Variants in TENM2 observed in about 807,000 individuals in gnomAD.
TENM2 encodes teneurin transmembrane protein 2, also known as teneurin-2.
In TENM2, 52 loss-of-function variants were observed where a neutral mutation model predicts 245.2. That is an observed-to-expected ratio of 0.21 (90% CI 0.17 to 0.27). The LOEUF is 0.27. TENM2 is among the 10% of genes least tolerant of loss of function. TENM2 has a pLI of 1.00. For missense variants in TENM2, 3,046 were observed against 3,666.8 expected, an observed-to-expected ratio of 0.83 and a Z score of 4.37; for synonymous variants, 1,363 against 1,438.9, an observed-to-expected ratio of 0.95 and a Z score of 1.19.
chr5:167,060,391 G>A, the TENM2 span, among the ~76,000 whole-genome samples: 7 of 151,410 alleles, frequency 4.6e-5, no homozygotes, highest in African/African-American at 7.4e-5. Flanking sequence ...TGTGGGTCAC[G>A]CCTGTAATCC....
chr5:167,999,802 G>A (rs1009563109), intron 5 of TENM2, among the ~76,000 whole-genome samples: 2 of 152,220 alleles, frequency 1.3e-5, no homozygotes, highest in African/African-American at 4.8e-5. Flanking sequence ...AGACGCTGGT[G>A]ATGAGAGCCA....
intron 1 of TENM2, among the ~76,000 whole-genome samples, chr5:167,346,374 G>A (rs1424751701): frequency 6.6e-6 from 1 of 152,166 alleles, no homozygotes; most frequent in Non-Finnish European, 1.5e-5. Context: ...AAGAGAATGA[G>A]GGAAGTAATG....
chr5:168,125,072 T>G, intron 11 of TENM2, 22 bp downstream of exon 13: 1 of 1,586,732 alleles, frequency 6.3e-7, no homozygotes, highest in Non-Finnish European at 8.6e-7. Flanking sequence ...GGTTTTCTCC[T>G]TCCTCTCTCC....
rs13155793 is a variant in TENM2 at position 168,036,743 on chromosome 5, A to G, written c.1187-10684A>G. ...TATGTGTATATATATACGTATGTGT[A>G]TATATATATGTATGTGTATATATAT... On this transcript the variant is annotated intron_variant, in intron 5 of 28. Coordinates refer to ENST00000518659, the Ensembl canonical transcript of TENM2. Among the ~76,000 whole-genome samples, 41 of 144,614 alleles carry G rather than the reference A, an allele frequency of 2.8e-4. 1 individual carries two copies. The highest frequency in any genetic ancestry group is 4.4e-4 in the African/African-American group (17 of 38,456). 94.9% of individuals were successfully genotyped at this position (144,614 alleles called of 152,430 possible).
intron 2 of TENM2, among the ~76,000 whole-genome samples, chr5:167,727,662 A>T (rs1045390626): frequency 5.3e-5 from 8 of 152,262 alleles, no homozygotes; most frequent in African/African-American, 1.7e-4. Flanking sequence ...ACATTGTGCT[A>T]AGAACACTGC....
At chr5:167,242,046 G>GT in the TENM2 span, among the ~76,000 whole-genome samples, 8,408 of 131,404 alleles carry the variant, frequency 0.064, 330 homozygotes, top group Non-Finnish European at 0.091. Flanking sequence ...TTTGTTTTTT[G>GT]TTTTTTTTTT....
intron 9 of TENM2, among the ~76,000 whole-genome samples, chr5:168,115,361 G>A (rs1313806317): frequency 3.4e-5 from 2 of 59,534 alleles, no homozygotes; most frequent in African/African-American, 1.6e-4. Flanking sequence ...GGAAGGAAGG[G>A]AAGGAAGGAA....
At chr5:166,986,091 GTGAGA>G in the TENM2 span, among the ~76,000 whole-genome samples, 3 of 152,202 alleles carry the variant, frequency 2.0e-5, no homozygotes, top group Non-Finnish European at 2.9e-5. Flanking sequence ...GGATGGTGGG[GTGAGA>G]TGAGATAAGG....
intron 1 of TENM2, chr5:167,303,059 AAGG>A (rs1755441215): frequency 6.5e-6 from 1 of 152,802 alleles, no homozygotes; most frequent in Admixed American, 6.5e-5. Flanking sequence ...CCAAAATTGA[AAGG>A]AGAAGATGGT....
intron 6 of TENM2, among the ~76,000 whole-genome samples, chr5:168,058,132 A>T (rs1789716685): frequency 6.6e-6 from 1 of 152,234 alleles, no homozygotes; most frequent in African/African-American, 2.4e-5. Context: ...TTGCTGAGTT[A>T]TGCGTGACAG....
At chr5:167,495,856 A>G (rs924642647) in intron 2 of TENM2, among the ~76,000 whole-genome samples, 1 of 152,162 alleles carries the variant, frequency 6.6e-6, no homozygotes, top group African/African-American at 2.4e-5. Flanking sequence ...TAGTCAGTAT[A>G]AAATATTTTG....
At chr5:168,134,479 A>C (rs1036224204) in intron 12 of TENM2, among the ~76,000 whole-genome samples, 1 of 152,172 alleles carries the variant, frequency 6.6e-6, no homozygotes, top group African/African-American at 2.4e-5. Context: ...TGAGGTCAGG[A>C]GTTCGAGACC....
At chr5:167,577,490 A>G (rs554612493) in intron 2 of TENM2, among the ~76,000 whole-genome samples, 1 of 152,334 alleles carries the variant, frequency 6.6e-6, no homozygotes, top group Non-Finnish European at 1.5e-5. Context: ...GCTTATATTT[A>G]GAAGGCATAA....
At chr5:167,634,213 G>A (rs1779050138) in intron 2 of TENM2, among the ~76,000 whole-genome samples, 1 of 152,086 alleles carries the variant, frequency 6.6e-6, no homozygotes, top group African/African-American at 2.4e-5. Context: ...TGACTGTTTG[G>A]CCAGTGACTG....
intron 5 of TENM2, among the ~76,000 whole-genome samples, chr5:168,035,885 A>C (rs748897484): frequency 6.6e-6 from 1 of 152,302 alleles, no homozygotes. Context: ...TGGGATAAAA[A>C]AGTAACTGCC....
chr5:166,984,217 CTTTTG>C, the TENM2 span, among the ~76,000 whole-genome samples: 1 of 151,928 alleles, frequency 6.6e-6, no homozygotes, highest in Non-Finnish European at 1.5e-5. Context: ...TAAGTCATTT[CTTTTG>C]TTTATTTAGG....
intron 2 of TENM2, among the ~76,000 whole-genome samples, chr5:167,567,277 G>A (rs144756093): frequency 6.6e-6 from 1 of 152,132 alleles, no homozygotes; most frequent in African/African-American, 2.4e-5. Flanking sequence ...GGCAATTTCA[G>A]GAGCATGAAT....
chr5:167,583,473 T>TACACACACACACACACACACAC (rs10682735), intron 2 of TENM2, among the ~76,000 whole-genome samples: 3 of 137,574 alleles, frequency 2.2e-5, no homozygotes, highest in East Asian at 4.4e-4. Context: ...TGAGTATATG[T>TACACACACACACACACACACAC]ACACACACAC....
intron 2 of TENM2, among the ~76,000 whole-genome samples, chr5:167,854,505 C>T (rs1328294192): frequency 6.6e-6 from 1 of 152,180 alleles, no homozygotes; most frequent in Admixed American, 6.5e-5. Context: ...CTAAAAGGAG[C>T]TGCCTACCTT....
Sources: gnomAD v4.1 joint callset for allele counts (sites outside exome capture counted in the v4.1 genomes callset) on GRCh38, gnomAD v4.1.1 for gene constraint, MANE v1.5 for transcripts, NCBI Gene and HGNC (gene_info 2026-07-23, HGNC 2026-07-21) for gene names.